CFAP20DC: variants seen among roughly 807,000 people sequenced by gnomAD.
The protein encoded by CFAP20DC is CFAP20 domain containing.
CFAP20DC carries 84 observed loss-of-function variants against 101.7 expected under a neutral mutation model. The ratio of observed to expected loss-of-function variants is 0.83; its 90% CI spans 0.69 to 0.99. CFAP20DC has a LOEUF of 0.99. CFAP20DC is among the 50% of genes least tolerant of loss of function. CFAP20DC has a pLI of 0.00. For missense variants in CFAP20DC, 1,007 were observed against 970.3 expected (o/e 1.04, Z -0.50); for synonymous variants, 359 against 351.2 (o/e 1.02, Z -0.25).
chr3:58,977,001 T>C (rs1006196700), intron 4 of CFAP20DC, among the ~76,000 whole-genome samples: 2 of 152,222 alleles, frequency 1.3e-5, no homozygotes, highest in Admixed American at 1.3e-4. Flanking sequence ...CTCACATTTA[T>C]TTCAATATTA....
Position 58,806,347 on chromosome 3 carries a change from C to T in CFAP20DC, c.2237+48G>A, listed in dbSNP as rs1416922690. The stretch of plus-strand genomic sequence containing the variant: ...AAACCAAGAAAAATGTACAATCTTC[C>T]AACTAAGTTTTTTTTTTTCTTAAAT... On this transcript the variant is annotated intron_variant, in intron 15 of 16. Transcript: ENST00000482387. The T allele has an allele frequency of 2.2e-5, 27 of 1,252,612 alleles. 1 individual carries two copies. The Admixed American group carries it at 4.8e-4, about 22-fold the overall frequency. 77.6% of individuals were successfully genotyped at this position (1,252,612 alleles called of 1,614,324 possible).
At chr3:59,029,138 T>C (rs1431639632) in intron 4 of CFAP20DC, among the ~76,000 whole-genome samples, 1 of 152,134 alleles carries the variant, frequency 6.6e-6, no homozygotes, top group Non-Finnish European at 1.5e-5. Flanking sequence ...GGGTGCTGCT[T>C]CTCCCTTCAT....
intron 5 of CFAP20DC, among the ~76,000 whole-genome samples, chr3:58,926,391 A>G (rs1006596540): frequency 1.3e-5 from 2 of 152,088 alleles, no homozygotes; most frequent in Non-Finnish European, 2.9e-5. Flanking sequence ...AAGAAGAAGA[A>G]AAAAAGAAAA....
intron 4 of CFAP20DC, among the ~76,000 whole-genome samples, chr3:59,028,469 G>A (rs1434188634): frequency 6.6e-6 from 1 of 152,154 alleles, no homozygotes; most frequent in Non-Finnish European, 1.5e-5. Context: ...AGCCTCTTGA[G>A]AAGATATAAA....
rs567616584 is a variant in CFAP20DC, at chr3:59,049,115, C to G, written c.21+496G>C. Among the ~76,000 whole-genome samples the G allele has an allele frequency of 3.3e-5, 5 of 152,350 alleles. No homozygotes were observed. The East Asian group carries it at 9.6e-4, about 29-fold the overall frequency. The stretch of plus-strand genomic sequence containing the variant: ...AAGAAAGCCTGATGTACTCCAACGT[C>G]TGAGATTCACTGACTCCCAGTTCTG... On this transcript the variant is annotated intron_variant, in intron 1 of 16. Coordinates refer to ENST00000482387, the MANE Select transcript of CFAP20DC (RefSeq NM_001394063.1).
rs2082484032 is a variant in CFAP20DC at position 58,894,172 on chromosome 3, C to T, written c.551-9463G>A. Among the ~76,000 whole-genome samples the T allele has an allele frequency of 6.6e-6, 1 of 152,042 alleles. No homozygotes were observed. The highest frequency in any genetic ancestry group is 1.5e-5 in the Non-Finnish European group (1 of 68,000). ...CAAACCATATCATTCTCCCCTTGGC[C>T]CCTCCCAAATCTCACGTCCTCACAT... On this transcript the variant is annotated intron_variant, in intron 6 of 16. Coordinates refer to ENST00000482387, the MANE Select transcript of CFAP20DC (RefSeq NM_001394063.1). The surrounding 1 kb of genome is among the most constrained non-coding windows in gnomAD (Gnocchi z 4.1).
rs775127572 is a variant in CFAP20DC, at chr3:58,750,074, G to A, written c.2332+3695C>T. ...CTGCTGGCCGGCTGTGATGGAAACCGGGCTGTTCACATGAATGTGGCATTC... is the reference window on the plus strand; with the variant it reads ...CTGCTGGCCGGCTGTGATGGAAACCAGGCTGTTCACATGAATGTGGCATTC... On this transcript the variant is annotated intron_variant, in intron 16 of 16. Transcript: ENST00000482387. Among the ~76,000 whole-genome samples the A allele has an allele frequency of 5.3e-5, 8 of 152,086 alleles. No individual in the cohort carries two copies. In the South Asian group the frequency reaches 8.3e-4, roughly 16 times the overall value.
chr3:58,950,337 A>G (rs1456588237), intron 4 of CFAP20DC, among the ~76,000 whole-genome samples: 2 of 152,222 alleles, frequency 1.3e-5, no homozygotes, highest in African/African-American at 4.8e-5. Flanking sequence ...CATACTGCCC[A>G]AGGTAATTTA....
At position 58,799,398 on chromosome 3, in the gene CFAP20DC, G is replaced by A. The variant is rs947269455; in HGVS notation, c.2237+6997C>T. 5.3e-5 allele frequency among the ~76,000 whole-genome samples: 8 copies of A among 152,062 alleles called. No homozygotes were observed. Among genetic ancestry groups the A allele is most frequent in the Admixed American group, 2.6e-4 (4 of 15,264 alleles). On this transcript the variant is annotated intron_variant, in intron 15 of 16. Transcript: ENST00000482387. This position sits in a 1 kb window ranked among gnomAD's most constrained non-coding sequence, Gnocchi z 4.9. ...AAAACAAACTCACAAAAAAGGTTTCGTTTATTATAAATGGGAACAGGGCCA... is the reference window on the plus strand; with the variant it reads ...AAAACAAACTCACAAAAAAGGTTTCATTTATTATAAATGGGAACAGGGCCA...
intron 6 of CFAP20DC, among the ~76,000 whole-genome samples, chr3:58,891,418 C>A (rs2082243915): frequency 7.9e-6 from 1 of 126,152 alleles, no homozygotes; most frequent in Non-Finnish European, 1.6e-5. Flanking sequence ...GAGAGGGAGA[C>A]CGTGGGGAGA....
Position 58,717,718 on chromosome 3 carries a change from A to C in CFAP20DC, c.198-90T>G, listed in dbSNP as rs2067416839. 1 of 377,328 alleles carries C rather than the reference A, an allele frequency of 2.7e-6. No individual in the cohort carries two copies. The highest frequency in any genetic ancestry group is 5.2e-6 in the Non-Finnish European group (1 of 190,708). The allele number at this position is 377,328 out of a possible 1,614,324, so 23.4% of individuals were successfully genotyped here. A position where few individuals can be genotyped will look rare whatever the true frequency, so the allele number is the denominator to read the frequency against. ...CTGGGTCTGTCCATTGTTATCAGGA[A>C]AACAATGCTTTTTCTGGAAGTCTCA... On this transcript the variant is annotated intron_variant, in intron 3 of 3. Coordinates refer to the CFAP20DC transcript ENST00000486145. The surrounding 1 kb of genome is among the most constrained non-coding windows in gnomAD (Gnocchi z 4.1).
At chr3:58,820,627 C>A (rs1395861375) in intron 14 of CFAP20DC, among the ~76,000 whole-genome samples, 1 of 152,006 alleles carries the variant, frequency 6.6e-6, no homozygotes, top group Non-Finnish European at 1.5e-5. Flanking sequence ...CAAACCACTG[C>A]TCAAGGAAAT....
chr3:58,863,322 C>T lies in CFAP20DC; in HGVS notation c.1593+236G>A. On this transcript the variant is annotated intron_variant, in intron 12 of 16. Coordinates refer to ENST00000482387, the MANE Select transcript of CFAP20DC (RefSeq NM_001394063.1). This position sits in a 1 kb window ranked among gnomAD's most constrained non-coding sequence, Gnocchi z 5.9. ...ATTAAAATGAAAAAACAGAAAGAAA[C>T]CCAAAACTGGTTTCTATAAGTAAAA... is the stretch of plus-strand genomic sequence containing the variant. The T allele has an allele frequency of 1.4e-6, 2 of 1,408,210 alleles. No homozygotes were observed. Among genetic ancestry groups the T allele is most frequent in the East Asian group, 2.6e-5 (1 of 38,896 alleles). 87.2% of individuals were successfully genotyped at this position (1,408,210 alleles called of 1,614,324 possible).
At chr3:58,821,723 G>A (rs1388667930) in intron 14 of CFAP20DC, among the ~76,000 whole-genome samples, 3 of 151,406 alleles carry the variant, frequency 2.0e-5, no homozygotes, top group Non-Finnish European at 4.4e-5. Context: ...CAACCACTGT[G>A]GAAGTCAGTG....
intron 7 of CFAP20DC, among the ~76,000 whole-genome samples, chr3:58,879,383 A>G (rs2081048002): frequency 6.6e-6 from 1 of 152,240 alleles, no homozygotes; most frequent in South Asian, 2.1e-4. Flanking sequence ...AAAGAGGATT[A>G]AATGTATAGA....
chr3:58,928,952 C>T (rs2107635640), intron 5 of CFAP20DC, among the ~76,000 whole-genome samples: 1 of 152,138 alleles, frequency 6.6e-6, no homozygotes. Flanking sequence ...GCCACTTGCC[C>T]AGGGGTAGAA....
At position 58,843,519 on chromosome 3, in the gene CFAP20DC, G is replaced by C. The variant is rs1176535834; in HGVS notation, c.1971+5513C>G. On this transcript the variant is annotated intron_variant, in intron 13 of 16. Transcript: ENST00000482387. ...CAAGAAATATGGGACTATGTGAAAAGACCAAATCTACGTCTGATTGGTGTA... is the reference window on the plus strand; with the variant it reads ...CAAGAAATATGGGACTATGTGAAAACACCAAATCTACGTCTGATTGGTGTA... Among the ~76,000 whole-genome samples the C allele has an allele frequency of 5.3e-5, 8 of 151,850 alleles. No individual in the cohort carries two copies. In the East Asian group the frequency reaches 1.4e-3, roughly 26 times the overall value.
Position 58,795,532 on chromosome 3 carries a change from GGA to G in CFAP20DC, c.2237+10861_2237+10862del. On this transcript the variant is annotated intron_variant, in intron 15 of 16. Coordinates refer to ENST00000482387, the MANE Select transcript of CFAP20DC (RefSeq NM_001394063.1). The surrounding 1 kb of genome is among the most constrained non-coding windows in gnomAD (Gnocchi z 4.2). ...CTCGGCTACATGGGAAGCTGGAGTG[GGA>G]GAGTTACCTGAGCCCGGGAGGCCGA... Among the ~76,000 whole-genome samples, 1 of 152,322 alleles carries G rather than the reference GGA, an allele frequency of 6.6e-6. No individual in the cohort carries two copies. The highest frequency in any genetic ancestry group is 2.4e-5 in the African/African-American group (1 of 41,570).
At chr3:58,753,608 C>A (rs1024327998) in intron 16 of CFAP20DC, 161 bp downstream of exon 16, 25 of 586,224 alleles carry the variant, frequency 4.3e-5, no homozygotes, top group Non-Finnish European at 7.2e-5. Context: ...TGTAAAGAAC[C>A]CATTATTCTA....
Sources: gnomAD v4.1 joint callset for allele counts (sites outside exome capture counted in the v4.1 genomes callset) on GRCh38, gnomAD v4.1.1 for gene constraint, Gnocchi (gnomAD v3.1) non-coding constraint, MANE v1.5 for transcripts, NCBI Gene and HGNC (gene_info 2026-07-23, HGNC 2026-07-21) for gene names.